The following ZNF385D variants were observed in gnomAD, a reference collection of about 807,000 sequenced individuals.
ZNF385D encodes zinc finger protein 385D.
ZNF385D carries 15 observed loss-of-function variants against 35.8 expected under a neutral mutation model. The observed-to-expected ratio is 0.42, with a 90% CI of 0.28 to 0.64. The LOEUF (loss-of-function observed/expected upper bound fraction) is 0.64. Among genes scored for constraint, ZNF385D ranks in the 30% least tolerant of loss-of-function variants. The pLI, the probability that ZNF385D is intolerant of heterozygous loss-of-function variation, is 0.23. For missense variants in ZNF385D, 474 were observed against 494.6 expected, an observed-to-expected ratio of 0.96 and a Z score of 0.39; for synonymous variants, 212 against 186.8, an observed-to-expected ratio of 1.13 and a Z score of -1.10.
At chr3:22,007,204 T>G (rs1016832062) in intron 3 of ZNF385D, among the ~76,000 whole-genome samples, 2 of 152,194 alleles carry the variant, frequency 1.3e-5, no homozygotes, top group South Asian at 4.1e-4. Flanking sequence ...TCCTTAGTGT[T>G]TGTTTCATCT....
intron 3 of ZNF385D, among the ~76,000 whole-genome samples, chr3:22,123,986 A>ATATTGCTGATG (rs1703275222): frequency 8.2e-6 from 1 of 122,374 alleles, no homozygotes; most frequent in Non-Finnish European, 1.7e-5. Flanking sequence ...ATATATATAT[A>ATATTGCTGATG]TATTGCTGAC....
At chr3:21,828,506 C>T (rs746472165) in intron 3 of ZNF385D, among the ~76,000 whole-genome samples, 16 of 152,110 alleles carry the variant, frequency 1.1e-4, no homozygotes, top group Non-Finnish European at 1.3e-4. Context: ...CACCTATAAC[C>T]TACATCATTT....
At chr3:22,241,296 C>A (rs1394130695) in intron 2 of ZNF385D, among the ~76,000 whole-genome samples, 1 of 151,092 alleles carries the variant, frequency 6.6e-6, no homozygotes, top group Non-Finnish European at 1.5e-5. Context: ...ACAAATAAAA[C>A]CAACCTACAG....
At chr3:21,750,785 G>T (rs2125555647) in intron 1 of ZNF385D, 110 bp downstream of exon 1, 1 of 1,376,124 alleles carries the variant, frequency 7.3e-7, no homozygotes, top group Admixed American at 1.8e-5. Flanking sequence ...CCAACTGGAG[G>T]TAGGTTTAAT....
At chr3:22,139,138 G>A (rs1704336162) in intron 3 of ZNF385D, among the ~76,000 whole-genome samples, 1 of 152,124 alleles carries the variant, frequency 6.6e-6, no homozygotes, top group South Asian at 2.1e-4. Flanking sequence ...AGGATGTGGA[G>A]AAATAGGAAC....
intron 3 of ZNF385D, among the ~76,000 whole-genome samples, chr3:21,545,315 A>T (rs529420694): frequency 1.1e-3 from 163 of 152,322 alleles, no homozygotes; most frequent in Non-Finnish European, 3.2e-4. Context: ...AATGTACAAG[A>T]CTCATGAAGA....
intron 2 of ZNF385D, among the ~76,000 whole-genome samples, chr3:22,179,113 T>A (rs1156950212): frequency 2.0e-5 from 3 of 152,166 alleles, no homozygotes; most frequent in Non-Finnish European, 4.4e-5. Context: ...TTTTTCCAGT[T>A]CTGTGAAGAA....
chr3:22,289,994 G>C (rs1702217521), intron 2 of ZNF385D, among the ~76,000 whole-genome samples: 1 of 152,140 alleles, frequency 6.6e-6, no homozygotes, highest in South Asian at 2.1e-4. Flanking sequence ...TGGAAGCTTT[G>C]AGTTTTAGCC....
At chr3:22,005,235 T>C (rs970966879) in intron 3 of ZNF385D, among the ~76,000 whole-genome samples, 48 of 151,684 alleles carry the variant, frequency 3.2e-4, no homozygotes, top group African/African-American at 8.2e-4. Context: ...CACAATGAGA[T>C]AGCATCTTAT....
chr3:22,276,647 G>T (rs1239901201), intron 2 of ZNF385D, among the ~76,000 whole-genome samples: 3 of 152,086 alleles, frequency 2.0e-5, no homozygotes, highest in African/African-American at 7.2e-5. Flanking sequence ...TAAAATATAT[G>T]ATTTTACCAA....
intron 3 of ZNF385D, among the ~76,000 whole-genome samples, chr3:22,015,636 A>C (rs1247176740): frequency 1.3e-5 from 2 of 152,110 alleles, no homozygotes; most frequent in African/African-American, 4.8e-5. Flanking sequence ...CACAAACATC[A>C]TCATTTCTTG....
At chr3:21,670,647 GGCGCC>G (rs535079107) in intron 1 of ZNF385D, among the ~76,000 whole-genome samples, 1 of 15,758 alleles carries the variant, frequency 6.3e-5, no homozygotes, top group Admixed American at 7.9e-4. Context: ...GAAATCCTAA[GGCGCC>G]CCCCCCCCCC....
rs75340971 is a variant in ZNF385D at position 22,129,476 on chromosome 3, A to T, written c.325+39341T>A. ...TGCCCTCCATGAGCTAGGGACTGGT[A>T]TCAGGGACTTTAGGAATTGGCTTGG... is the stretch of plus-strand genomic sequence containing the variant. On this transcript the variant is annotated intron_variant, in intron 3 of 5. Coordinates refer to the ZNF385D transcript ENST00000494108. 1.3e-3 allele frequency among the ~76,000 whole-genome samples: 203 copies of T among 152,096 alleles called. 1 individual carries two copies. Among genetic ancestry groups the T allele is most frequent in the African/African-American group, 4.7e-3 (196 of 41,512 alleles).
At chr3:21,826,577 C>A (rs945316479) in intron 3 of ZNF385D, among the ~76,000 whole-genome samples, 1 of 152,134 alleles carries the variant, frequency 6.6e-6, no homozygotes, top group Non-Finnish European at 1.5e-5. Context: ...ATGATAGTAA[C>A]TTTTGCCACC....
intron 3 of ZNF385D, among the ~76,000 whole-genome samples, chr3:21,843,067 G>C (rs573400737): frequency 1.3e-5 from 2 of 152,168 alleles, no homozygotes; most frequent in African/African-American, 2.4e-5. Flanking sequence ...TTAGAAGCTA[G>C]AGTTGGCTTT....
intron 3 of ZNF385D, among the ~76,000 whole-genome samples, chr3:21,968,926 C>T (rs1045851977): frequency 6.6e-6 from 1 of 152,188 alleles, no homozygotes; most frequent in Non-Finnish European, 1.5e-5. Context: ...ACTGGGGTCT[C>T]TGATTCCTGG....
chr3:21,587,838 G>A (rs2063856234), intron 2 of ZNF385D, among the ~76,000 whole-genome samples: 2 of 152,072 alleles, frequency 1.3e-5, no homozygotes, highest in Non-Finnish European at 2.9e-5. Flanking sequence ...GGTGAGAGTG[G>A]GAGGAGAAAT....
At chr3:22,361,672 T>G (rs762418243) in intron 2 of ZNF385D, among the ~76,000 whole-genome samples, 22 of 152,042 alleles carry the variant, frequency 1.4e-4, no homozygotes, top group Non-Finnish European at 2.6e-4. Flanking sequence ...TAGCAGAAAC[T>G]ATTTCTCTGT....
intron 4 of ZNF385D, among the ~76,000 whole-genome samples, chr3:21,448,795 T>C (rs530555298): frequency 6.6e-6 from 1 of 152,226 alleles, no homozygotes; most frequent in South Asian, 2.1e-4. Context: ...TATAAACTTA[T>C]CATCTCTCCT....
Sources: allele counts gnomAD v4.1 joint callset (sites outside exome capture counted in the v4.1 genomes callset), GRCh38; gene constraint gnomAD v4.1.1; transcripts MANE v1.5; gene names NCBI Gene and HGNC (gene_info 2026-07-23, HGNC 2026-07-21).